The following MTUS2 variants were observed in gnomAD, a reference collection of about 807,000 sequenced individuals.
MTUS2 encodes microtubule associated scaffold protein 2.
MTUS2 carries 40 observed loss-of-function variants against 114.1 expected under a neutral mutation model. The observed-to-expected ratio is 0.35, with a 90% CI of 0.27 to 0.46. The LOEUF (loss-of-function observed/expected upper bound fraction) is 0.46, where lower values mean the gene tolerates loss of function less well. MTUS2 is among the 20% of genes least tolerant of loss of function. The pLI, the probability that MTUS2 is intolerant of heterozygous loss-of-function variation, is 1.00. For missense variants in MTUS2, 1,679 were observed against 1,705.4 expected (o/e 0.98, Z 0.27); for synonymous variants, 688 against 672.0 (o/e 1.02, Z -0.37).
intron 2 of MTUS2, among the ~76,000 whole-genome samples, chr13:28,872,323 G>A (rs1877666575): frequency 6.6e-6 from 1 of 152,068 alleles, no homozygotes; most frequent in Non-Finnish European, 1.5e-5. Context: ...GAGCATTTGA[G>A]TAGATACGAT....
intron 4 of MTUS2, chr13:29,072,242 C>T (rs1034058698): frequency 6.6e-6 from 1 of 152,138 alleles, no homozygotes; most frequent in Admixed American, 6.5e-5. Context: ...AGAAAGCACT[C>T]AGTAAATGTT....
intron 8 of MTUS2, among the ~76,000 whole-genome samples, chr13:29,383,252 G>GTGTGTGTGTGTATT (rs5802519): frequency 0.036 from 4,852 of 135,844 alleles, 115 homozygotes; most frequent in African/African-American, 0.047. Context: ...GTGTGTGTGT[G>GTGTGTGTGTGTATT]TATTTATTTT....
chr13:28,854,548 C>A (rs2138042383), intron 2 of MTUS2, among the ~76,000 whole-genome samples: 1 of 152,286 alleles, frequency 6.6e-6, no homozygotes, highest in Middle Eastern at 3.4e-3. Context: ...AGGGATAGCT[C>A]TTCTCTATCT....
rs151072002 is a variant in MTUS2 at position 29,267,838 on chromosome 13, G to C, written c.2645-13866G>C. On this transcript the variant is annotated intron_variant, in intron 5 of 15. Transcript: ENST00000612955. ...TCCAGTGAATGAGAAAGAAAGGGTG[G>C]TGGGAGACAGGAAGGGGCCACTGAG... Among the ~76,000 whole-genome samples the C allele has an allele frequency of 5.8e-3, 883 of 152,308 alleles. 8 individuals carry two copies. The highest frequency in any genetic ancestry group is 8.9e-3 in the Non-Finnish European group (605 of 68,024).
At chr13:29,410,428 G>A (rs923645526) in intron 8 of MTUS2, among the ~76,000 whole-genome samples, 1 of 152,090 alleles carries the variant, frequency 6.6e-6, no homozygotes, top group Non-Finnish European at 1.5e-5. Context: ...CGCCCAGGCT[G>A]TAGTTTTTAG....
chr13:28,878,026 G>T (rs1471458331), intron 2 of MTUS2, among the ~76,000 whole-genome samples: 6 of 152,110 alleles, frequency 3.9e-5, no homozygotes, highest in Non-Finnish European at 8.8e-5. Context: ...CTTCCATTAT[G>T]ATGCCAAGTT....
Position 29,456,673 on chromosome 13 carries a change from A to G in MTUS2, c.3184+16624A>G, listed in dbSNP as rs191957749. On this transcript the variant is annotated intron_variant, in intron 9 of 15. Coordinates refer to ENST00000612955, the MANE Select transcript of MTUS2 (RefSeq NM_001033602.4). ...TAAATGACAGTTGGCCTTATCAGAA[A>G]TGAACAGAGCCCAGAAGGCAGTGGA... Among the ~76,000 whole-genome samples the G allele has an allele frequency of 2.6e-5, 4 of 152,352 alleles. No individual in the cohort carries two copies. The East Asian group carries it at 7.7e-4, about 29-fold the overall frequency.
chr13:29,424,031 A>AT lies in MTUS2; in HGVS notation c.3118-15937dup, dbSNP rs35299233. 6.5e-3 allele frequency among the ~76,000 whole-genome samples: 940 copies of AT among 145,348 alleles called. 10 individuals carry two copies. Among genetic ancestry groups the AT allele is most frequent in the African/African-American group, 0.022 (850 of 39,502 alleles). ...AGGTGCCTGCCACCATGCCTGGCTAATTTTTTTTTTTTTTTAGTAGAGATG... is the reference window on the plus strand; with the variant it reads ...AGGTGCCTGCCACCATGCCTGGCTAATTTTTTTTTTTTTTTTAGTAGAGATG... On this transcript the variant is annotated intron_variant, in intron 8 of 15. Coordinates refer to ENST00000612955, the MANE Select transcript of MTUS2 (RefSeq NM_001033602.4).
chr13:29,129,455 A>C (rs947154972), intron 5 of MTUS2, among the ~76,000 whole-genome samples: 2 of 152,168 alleles, frequency 1.3e-5, no homozygotes, highest in Non-Finnish European at 2.9e-5. Flanking sequence ...TTTCCCAAGC[A>C]AATCTACCTT....
intron 1 of MTUS2, among the ~76,000 whole-genome samples, chr13:28,825,499 G>C (rs528356319): frequency 1.3e-5 from 2 of 152,280 alleles, no homozygotes; most frequent in South Asian, 4.2e-4. Flanking sequence ...TAGGGTTTGA[G>C]GAGGGGAAAT....
chr13:29,130,002 C>T (rs978398362), intron 5 of MTUS2, among the ~76,000 whole-genome samples: 2 of 151,916 alleles, frequency 1.3e-5, no homozygotes, highest in African/African-American at 4.8e-5. Flanking sequence ...TGTCATGGAG[C>T]CTTCACCCTT....
At chr13:29,251,292 G>GATAATAATAATAATA (rs10526021) in intron 5 of MTUS2, among the ~76,000 whole-genome samples, 2,462 of 146,466 alleles carry the variant, frequency 0.017, 40 homozygotes, top group African/African-American at 0.049. Context: ...ATGGGATGAT[G>GATAATAATAATAATA]ATAATAATAA....
At chr13:29,386,773 A>G (rs547765105) in intron 8 of MTUS2, among the ~76,000 whole-genome samples, 1 of 152,300 alleles carries the variant, frequency 6.6e-6, no homozygotes, top group East Asian at 1.9e-4. Context: ...ATTAGCCTAC[A>G]TTCTAAATAG....
At chr13:29,375,535 ATACGTG>A (rs1566163019) in intron 8 of MTUS2, among the ~76,000 whole-genome samples, 4 of 6,540 alleles carry the variant, frequency 6.1e-4, no homozygotes, top group African/African-American at 7.2e-4. Context: ...ATATATATAT[ATACGTG>A]TATATATATA....
chr13:29,246,736 G>A (rs1473443525), intron 5 of MTUS2, among the ~76,000 whole-genome samples: 2 of 152,142 alleles, frequency 1.3e-5, no homozygotes, highest in African/African-American at 2.4e-5. Flanking sequence ...ACTACAAGAT[G>A]CTGTCAAAAG....
intron 5 of MTUS2, among the ~76,000 whole-genome samples, chr13:29,155,845 T>A (rs1287809114): frequency 1.3e-5 from 2 of 152,140 alleles, no homozygotes; most frequent in Admixed American, 6.6e-5. Context: ...TTAATTATAA[T>A]ATCATTAACT....
intron 8 of MTUS2, among the ~76,000 whole-genome samples, chr13:29,400,857 A>G (rs1874279207): frequency 6.6e-6 from 1 of 152,232 alleles, no homozygotes; most frequent in South Asian, 2.1e-4. Flanking sequence ...TTCCTCAAAG[A>G]GAGAAAGCAC....
intron 5 of MTUS2, among the ~76,000 whole-genome samples, chr13:29,249,678 T>G (rs1363067053): frequency 6.6e-6 from 1 of 152,230 alleles, no homozygotes; most frequent in Non-Finnish European, 1.5e-5. Context: ...TAAATTTGTT[T>G]AAGTTCTTTG....
chr13:28,918,515 T>A (rs953579943), intron 2 of MTUS2, among the ~76,000 whole-genome samples: 1 of 151,974 alleles, frequency 6.6e-6, no homozygotes, highest in Non-Finnish European at 1.5e-5. Context: ...CATGGGATAT[T>A]TTTTTCCATC....
Sources: gnomAD v4.1 joint callset for allele counts (sites outside exome capture counted in the v4.1 genomes callset) on GRCh38, gnomAD v4.1.1 for gene constraint, MANE v1.5 for transcripts, NCBI Gene and HGNC (gene_info 2026-07-23, HGNC 2026-07-21) for gene names.